Variants in LIMCH1 observed in about 807,000 individuals in gnomAD.
LIMCH1 encodes LIM and calponin homology domains 1, also known as LIM and calponin homology domains-containing protein 1.
In LIMCH1, 113 loss-of-function variants were observed where a neutral mutation model predicts 176.5. The observed-to-expected ratio is 0.64, with a 90% CI of 0.55 to 0.75. The LOEUF is 0.75. Ranked by LOEUF, LIMCH1 falls within the 30% of genes least tolerant of loss-of-function variation. LIMCH1 has a pLI of 0.00. For synonymous variants in LIMCH1, 619 were observed against 645.9 expected, an observed-to-expected ratio of 0.96 and a Z score of 0.63; for missense variants, 1,674 against 1,814.9, an observed-to-expected ratio of 0.92 and a Z score of 1.41.
At chr4:41,439,517 A>G (rs2062470227) in intron 1 of LIMCH1, among the ~76,000 whole-genome samples, 1 of 152,108 alleles carries the variant, frequency 6.6e-6, no homozygotes, top group African/African-American at 2.4e-5. Flanking sequence ...CCTGGAGGTC[A>G]AGGCTGCAGT....
chr4:41,441,856 T>C (rs1356925444), intron 1 of LIMCH1, among the ~76,000 whole-genome samples: 1 of 152,216 alleles, frequency 6.6e-6, no homozygotes, highest in Non-Finnish European at 1.5e-5. Flanking sequence ...ATTAATTTTA[T>C]AGGTTTTTGC....
At chr4:41,495,287 A>G (rs2071902643) in intron 2 of LIMCH1, among the ~76,000 whole-genome samples, 1 of 152,202 alleles carries the variant, frequency 6.6e-6, no homozygotes, top group African/African-American at 2.4e-5. Flanking sequence ...TTCAATACTG[A>G]TTTTTGTTTT....
At chr4:41,516,563 G>A (rs1253135787) in intron 2 of LIMCH1, among the ~76,000 whole-genome samples, 1 of 152,094 alleles carries the variant, frequency 6.6e-6, no homozygotes, top group African/African-American at 2.4e-5. Flanking sequence ...AGTTTCCAAA[G>A]TCCATAATTT....
intron 1 of LIMCH1, among the ~76,000 whole-genome samples, chr4:41,484,895 A>G (rs1171964492): frequency 6.6e-6 from 1 of 152,208 alleles, no homozygotes; most frequent in East Asian, 1.9e-4. Context: ...GATTGCTTTC[A>G]AAAAACAACC....
intron 2 of LIMCH1, among the ~76,000 whole-genome samples, chr4:41,501,397 G>A (rs1424391158): frequency 1.3e-5 from 2 of 152,276 alleles, no homozygotes; most frequent in African/African-American, 4.8e-5. Context: ...TTCTATTTGT[G>A]AACATGAAGT....
intron 14 of LIMCH1, among the ~76,000 whole-genome samples, chr4:41,640,302 G>A (rs768490379): frequency 3.3e-5 from 5 of 152,306 alleles, no homozygotes; most frequent in African/African-American, 4.8e-5. Flanking sequence ...TTTGGTGAGC[G>A]AAAACATTTT....
rs374342959 is a variant in LIMCH1, at chr4:41,519,968, A to G, written c.168-4441A>G. ...ATTCACTGCCTCTTCCTCTTCATCA[A>G]GCTGAATGTTGTAAGTTATTGGTGA... On this transcript the variant is annotated intron_variant, in intron 2 of 26. Transcript: ENST00000313860. Among the ~76,000 whole-genome samples, 492 of 152,298 alleles carry G rather than the reference A, an allele frequency of 3.2e-3. 3 individuals are homozygous for G. In the South Asian group the frequency reaches 0.033, roughly 10 times the overall value.
rs973950201 is a variant in LIMCH1, at chr4:41,446,006, C to T, written c.97-48530C>T. On this transcript the variant is annotated intron_variant, in intron 1 of 26. Transcript: ENST00000313860. Reference sequence around the variant, plus strand: ...AACTAAAAGCTCAAATATAACAGAACGAAGTTTCCCTAAAGGATTACGGTC... The same window carrying T: ...AACTAAAAGCTCAAATATAACAGAATGAAGTTTCCCTAAAGGATTACGGTC... Among the ~76,000 whole-genome samples the T allele has an allele frequency of 7.2e-5, 11 of 152,236 alleles. 1 individual carries two copies. Among genetic ancestry groups the T allele is most frequent in the Admixed American group, 2.0e-4 (3 of 15,294 alleles).
intron 1 of LIMCH1, among the ~76,000 whole-genome samples, chr4:41,363,334 G>A (rs78448075): frequency 0.073 from 11,045 of 152,110 alleles, 608 homozygotes; most frequent in African/African-American, 0.15. Flanking sequence ...CTCCTCTAGG[G>A]GCCCCATTGT....
chr4:41,574,509 A>G (rs1408709919), intron 1 of LIMCH1, among the ~76,000 whole-genome samples: 1 of 151,752 alleles, frequency 6.6e-6, no homozygotes, highest in Non-Finnish European at 1.5e-5. Context: ...GGCTGGTTTC[A>G]AACTCTTGAC....
rs1582729081 is a variant in LIMCH1 at position 41,469,710 on chromosome 4, CT to C, written c.97-24825del. Among the ~76,000 whole-genome samples, 5 of 97,596 alleles carry C rather than the reference CT, an allele frequency of 5.1e-5. No individual in the cohort carries two copies. The South Asian group carries it at 1.3e-3, about 25-fold the overall frequency. 64.0% of individuals were successfully genotyped at this position (97,596 alleles called of 152,430 possible). On this transcript the variant is annotated intron_variant, in intron 1 of 26. Coordinates refer to the LIMCH1 transcript ENST00000313860. Reference sequence around the variant, plus strand: ...TATTTATTTATTTTTGAGATGGAATCTCTCTCTGTCGCCCAGGCTGGACTGC... The same window carrying C: ...TATTTATTTATTTTTGAGATGGAATCCTCTCTGTCGCCCAGGCTGGACTGC...
intron 20 of LIMCH1, 150 bp downstream of exon 20, chr4:41,663,134 CGTGTGTGTGTGTGTGT>C (rs60475434): frequency 1.8e-4 from 72 of 406,538 alleles, no homozygotes; most frequent in Non-Finnish European, 2.7e-4. Flanking sequence ...TTTTCTTTTT[CGTGTGTGTGTGTGTGT>C]GTGTGTGTGT....
At chr4:41,443,563 C>T (rs2062945094) in intron 1 of LIMCH1, among the ~76,000 whole-genome samples, 1 of 152,202 alleles carries the variant, frequency 6.6e-6, no homozygotes, top group Non-Finnish European at 1.5e-5. Context: ...GAAGCCAGGG[C>T]AGCTGTATTT....
intron 3 of LIMCH1, among the ~76,000 whole-genome samples, chr4:41,526,181 C>T (rs568246430): frequency 1.5e-4 from 22 of 150,852 alleles, no homozygotes; most frequent in African/African-American, 5.4e-4. Context: ...ATCTTCTTTC[C>T]TTCTATTTAT....
At chr4:41,364,277 T>C (rs996226911) in intron 1 of LIMCH1, among the ~76,000 whole-genome samples, 1 of 152,154 alleles carries the variant, frequency 6.6e-6, no homozygotes, top group Non-Finnish European at 1.5e-5. Context: ...GCTGTGTAAG[T>C]ATGGTTAGTA....
At chr4:41,671,891 A>G (rs1424339327) in intron 22 of LIMCH1, among the ~76,000 whole-genome samples, 16 of 151,374 alleles carry the variant, frequency 1.1e-4, no homozygotes, top group African/African-American at 3.9e-4. Context: ...TCTCAAAAAA[A>G]AAAAAAAAAA....
chr4:41,589,986 C>T (rs1006923203), intron 1 of LIMCH1, among the ~76,000 whole-genome samples: 1 of 152,184 alleles, frequency 6.6e-6, no homozygotes, highest in Non-Finnish European at 1.5e-5. Flanking sequence ...CCATCTTTCC[C>T]CTCGTCCTCT....
chr4:41,425,011 T>A (rs1581949779), intron 1 of LIMCH1, among the ~76,000 whole-genome samples: 1 of 152,210 alleles, frequency 6.6e-6, no homozygotes, highest in African/African-American at 2.4e-5. Context: ...GCCACCAGAT[T>A]CCTCAGTCAC....
intron 1 of LIMCH1, among the ~76,000 whole-genome samples, chr4:41,486,818 G>C (rs2069637184): frequency 6.6e-6 from 1 of 151,748 alleles, no homozygotes; most frequent in Non-Finnish European, 1.5e-5. Context: ...GTTTTGCTCT[G>C]TTGCCCAGGC....
Sources: gnomAD v4.1 joint callset for allele counts (sites outside exome capture counted in the v4.1 genomes callset) on GRCh38, gnomAD v4.1.1 for gene constraint, MANE v1.5 for transcripts, NCBI Gene and HGNC (gene_info 2026-07-23, HGNC 2026-07-21) for gene names.